Variants in TAFA4 observed in about 807,000 individuals in gnomAD.
The protein encoded by TAFA4 is TAFA chemokine like family member 4, also known as chemokine-like protein TAFA-4.
TAFA4 carries 20 observed loss-of-function variants against 21.1 expected under a neutral mutation model. That is an observed-to-expected ratio of 0.95 (90% CI 0.67 to 1.38). The LOEUF is 1.38. Ranked by LOEUF, TAFA4 falls within the 40% of genes most tolerant of loss-of-function variation. The pLI, the probability that TAFA4 is intolerant of heterozygous loss-of-function variation, is 0.00. For missense variants in TAFA4, 211 were observed against 180.9 expected, an observed-to-expected ratio of 1.17 and a Z score of -0.95; for synonymous variants, 71 against 67.4, an observed-to-expected ratio of 1.05 and a Z score of -0.26.
intron 3 of TAFA4, among the ~76,000 whole-genome samples, chr3:68,755,981 A>C (rs1702653166): frequency 6.6e-6 from 1 of 152,182 alleles, no homozygotes; most frequent in Non-Finnish European, 1.5e-5. Flanking sequence ...CAGGAGCTAC[A>C]GTCTACTGCC....
chr3:68,869,290 A>G (rs2089454985), intron 3 of TAFA4, among the ~76,000 whole-genome samples: 1 of 152,012 alleles, frequency 6.6e-6, no homozygotes, highest in African/African-American at 2.4e-5. Context: ...TTAAAGAACT[A>G]CTTATAACAC....
chr3:68,892,829 A>G (rs534874031), intron 1 of TAFA4, among the ~76,000 whole-genome samples: 1 of 152,342 alleles, frequency 6.6e-6, no homozygotes, highest in South Asian at 2.1e-4. Context: ...GTGAAGTAAA[A>G]AGTACAAAAG....
chr3:68,759,585 T>C (rs2106763906), intron 3 of TAFA4, among the ~76,000 whole-genome samples: 1 of 152,300 alleles, frequency 6.6e-6, no homozygotes, highest in African/African-American at 2.4e-5. Flanking sequence ...GAATTTTTCC[T>C]CTAAAACAGC....
At chr3:68,777,539 G>T (rs1703070806) in intron 3 of TAFA4, among the ~76,000 whole-genome samples, 1 of 151,920 alleles carries the variant, frequency 6.6e-6, no homozygotes, top group South Asian at 2.1e-4. Context: ...TGCCTTATTG[G>T]ATAGTAAAGC....
chr3:68,807,890 A>G (rs1233768316), intron 3 of TAFA4, among the ~76,000 whole-genome samples: 1 of 152,186 alleles, frequency 6.6e-6, no homozygotes, highest in Non-Finnish European at 1.5e-5. Flanking sequence ...TCTGGTAACA[A>G]CAATATGTCC....
intron 3 of TAFA4, among the ~76,000 whole-genome samples, chr3:68,768,439 A>T (rs1308258938): frequency 5.3e-5 from 8 of 152,200 alleles, no homozygotes; most frequent in Non-Finnish European, 1.0e-4. Flanking sequence ...TATCAAAAAG[A>T]CAAAAAATAA....
intron 3 of TAFA4, among the ~76,000 whole-genome samples, chr3:68,858,577 C>CGTGTGTGTGTGTGTGT (rs4065047): frequency 6.8e-6 from 1 of 146,058 alleles, no homozygotes; most frequent in Non-Finnish European, 1.5e-5. Flanking sequence ...TTCCAAGTGA[C>CGTGTGTGTGTGTGTGT]GTGTGTGTGT....
At chr3:68,909,913 A>C (rs1458293167) in intron 1 of TAFA4, among the ~76,000 whole-genome samples, 1 of 152,112 alleles carries the variant, frequency 6.6e-6, no homozygotes, top group Non-Finnish European at 1.5e-5. Flanking sequence ...TCTCACCTGG[A>C]GGCTTGGGGG....
At chr3:68,762,516 A>C (rs1038611066) in intron 3 of TAFA4, among the ~76,000 whole-genome samples, 7 of 152,186 alleles carry the variant, frequency 4.6e-5, no homozygotes, top group Non-Finnish European at 1.5e-5. Context: ...GCTCATTTAC[A>C]GTCTTCCTCT....
intron 4 of TAFA4, among the ~76,000 whole-genome samples, chr3:68,747,242 G>GTT (rs1365316737): frequency 7.2e-6 from 1 of 137,982 alleles, no homozygotes; most frequent in Non-Finnish European, 1.7e-5. Flanking sequence ...CCACTTGTGA[G>GTT]TTTTCTCTCT....
chr3:68,767,792 A>G (rs1229927144), intron 3 of TAFA4, among the ~76,000 whole-genome samples: 4 of 152,068 alleles, frequency 2.6e-5, no homozygotes, highest in Non-Finnish European at 4.4e-5. Flanking sequence ...AAATATATAT[A>G]TATATTTCCA....
chr3:68,778,890 C>T (rs1277088117), intron 3 of TAFA4, among the ~76,000 whole-genome samples: 1 of 152,156 alleles, frequency 6.6e-6, no homozygotes, highest in Non-Finnish European at 1.5e-5. Flanking sequence ...GATGTTGGAA[C>T]TAGGTAACAG....
intron 1 of TAFA4, among the ~76,000 whole-genome samples, chr3:68,909,460 G>A (rs2089935644): frequency 6.6e-6 from 1 of 152,142 alleles, no homozygotes; most frequent in African/African-American, 2.4e-5. Flanking sequence ...TATATCTACT[G>A]AATGAGTGAA....
intron 1 of TAFA4, among the ~76,000 whole-genome samples, chr3:68,887,936 T>C (rs1454495613): frequency 6.6e-6 from 1 of 152,148 alleles, no homozygotes; most frequent in Non-Finnish European, 1.5e-5. Context: ...ACACCCTTAG[T>C]ATTCTCTCCC....
At chr3:68,912,269 AG>A (rs1331417890) in intron 1 of TAFA4, among the ~76,000 whole-genome samples, 1 of 152,182 alleles carries the variant, frequency 6.6e-6, no homozygotes, top group African/African-American at 2.4e-5. Flanking sequence ...CACTTTTACC[AG>A]TCTCATCTAA....
intron 1 of TAFA4, among the ~76,000 whole-genome samples, chr3:68,931,851 C>G (rs1283086375): frequency 6.6e-6 from 1 of 152,194 alleles, no homozygotes; most frequent in Admixed American, 6.5e-5. Context: ...AGGGATGAAG[C>G]GCTAAGGTCG....
chr3:68,767,289 A>G (rs1702872863), intron 3 of TAFA4, among the ~76,000 whole-genome samples: 1 of 152,180 alleles, frequency 6.6e-6, no homozygotes, highest in African/African-American at 2.4e-5. Flanking sequence ...AAGGAATCCA[A>G]TTCAAAAGAG....
chr3:68,878,685 T>A (rs2089581940), intron 3 of TAFA4, among the ~76,000 whole-genome samples: 1 of 152,186 alleles, frequency 6.6e-6, no homozygotes, highest in Admixed American at 6.5e-5. Flanking sequence ...CACAGTCCCA[T>A]ATGTGTATGT....
intron 3 of TAFA4, among the ~76,000 whole-genome samples, chr3:68,878,917 C>T (rs946233210): frequency 6.6e-5 from 10 of 152,076 alleles, no homozygotes; most frequent in African/African-American, 2.4e-4. Context: ...CTGATACACA[C>T]CTACCGTAAC....
Sources: gnomAD v4.1 joint callset for allele counts (sites outside exome capture counted in the v4.1 genomes callset) on GRCh38, gnomAD v4.1.1 for gene constraint, MANE v1.5 for transcripts, NCBI Gene and HGNC (gene_info 2026-07-23, HGNC 2026-07-21) for gene names.